TMEM132D: variants seen among roughly 807,000 people sequenced by gnomAD.
The protein encoded by TMEM132D is mature OL transmembrane protein.
A neutral mutation model predicts 62.3 loss-of-function variants in TMEM132D; 21 were observed. The observed-to-expected ratio is 0.34, with a 90% CI of 0.24 to 0.49. TMEM132D has a LOEUF of 0.49. Ranked by LOEUF, TMEM132D falls within the 20% of genes least tolerant of loss-of-function variation. The probability of loss-of-function intolerance (pLI) is 0.99; values close to 1 mark genes in which losing one functional copy is unlikely to be tolerated. For synonymous variants in TMEM132D, 621 were observed against 575.6 expected (o/e 1.08, Z -1.13); for missense variants, 1,346 against 1,402.8 (o/e 0.96, Z 0.65).
chr12:129,168,536 C>T (rs547153244), intron 5 of TMEM132D, among the ~76,000 whole-genome samples: 36 of 152,280 alleles, frequency 2.4e-4, no homozygotes, highest in Non-Finnish European at 4.1e-4. Flanking sequence ...ATGCCTTTCA[C>T]GTCCAGCTTC....
intron 3 of TMEM132D, among the ~76,000 whole-genome samples, chr12:129,452,936 G>T (rs575472926): frequency 5.3e-5 from 8 of 152,178 alleles, no homozygotes; most frequent in African/African-American, 1.4e-4. Context: ...AACCCCCGGG[G>T]CCATGGACCC....
intron 3 of TMEM132D, among the ~76,000 whole-genome samples, chr12:129,408,772 A>C (rs73424402): frequency 0.036 from 5,517 of 152,262 alleles, 342 homozygotes; most frequent in African/African-American, 0.13. Flanking sequence ...ACTCATGTGC[A>C]CAAATGTGTG....
At chr12:129,233,675 G>A (rs1879706819) in intron 4 of TMEM132D, among the ~76,000 whole-genome samples, 1 of 151,862 alleles carries the variant, frequency 6.6e-6, no homozygotes, top group Admixed American at 6.6e-5. Context: ...TGCCCAGGCT[G>A]GAGTGTCATG....
intron 2 of TMEM132D, among the ~76,000 whole-genome samples, chr12:129,569,761 G>T (rs1877460291): frequency 6.6e-6 from 1 of 152,154 alleles, no homozygotes; most frequent in Admixed American, 6.5e-5. Flanking sequence ...GCTCTACTGT[G>T]AGATGACTGG....
At chr12:129,696,698 T>G (rs570621900) in intron 2 of TMEM132D, among the ~76,000 whole-genome samples, 4 of 152,166 alleles carry the variant, frequency 2.6e-5, no homozygotes, top group Non-Finnish European at 5.9e-5. Flanking sequence ...GAGACTGGGA[T>G]GCGTCTGAGC....
chr12:129,075,903 G>A (rs1410301557), intron 8 of TMEM132D, among the ~76,000 whole-genome samples: 1 of 152,130 alleles, frequency 6.6e-6, no homozygotes, highest in African/African-American at 2.4e-5. Context: ...GACAGCAGTG[G>A]CAGATCCATT....
At chr12:129,410,575 C>T (rs1278179696) in intron 3 of TMEM132D, among the ~76,000 whole-genome samples, 2 of 151,948 alleles carry the variant, frequency 1.3e-5, no homozygotes, top group African/African-American at 2.4e-5. Flanking sequence ...GGCCAGGCTG[C>T]TCTCAATCTC....
chr12:129,783,215 T>G, intron 1 of TMEM132D, among the ~76,000 whole-genome samples: 2 of 152,282 alleles, frequency 1.3e-5, no homozygotes, highest in Middle Eastern at 3.4e-3. Context: ...GCTCTTCAAA[T>G]GTACAACCCT....
chr12:129,535,771 TG>T (rs1566102004), intron 2 of TMEM132D, among the ~76,000 whole-genome samples: 2,676 of 66,892 alleles, frequency 0.04, 85 homozygotes, highest in African/African-American at 0.13. Flanking sequence ...ATTTAAGATT[TG>T]TGTGCGTGTG....
intron 2 of TMEM132D, among the ~76,000 whole-genome samples, chr12:129,625,942 C>T (rs948544421): frequency 2.0e-5 from 3 of 152,178 alleles, no homozygotes; most frequent in Admixed American, 6.5e-5. Context: ...GTGTATGACT[C>T]TTCTTCAATT....
At position 129,517,513 on chromosome 12, in the gene TMEM132D, A is replaced by C. The variant is rs985722061; in HGVS notation, c.1115+13546T>G. ...GAGAAGCCAGGGCCATTCAGTGGGG[A>C]AGACATTAGCTGCCTGCTGTTCCTA... On this transcript the variant is annotated intron_variant, in intron 3 of 8. Transcript: ENST00000422113. Among the ~76,000 whole-genome samples the C allele has an allele frequency of 3.3e-5, 5 of 152,152 alleles. No individual in the cohort carries two copies. In the East Asian group the frequency reaches 9.6e-4, roughly 29 times the overall value.
intron 5 of TMEM132D, among the ~76,000 whole-genome samples, chr12:129,122,551 T>C (rs1002793295): frequency 6.6e-6 from 1 of 152,192 alleles, no homozygotes; most frequent in African/African-American, 2.4e-5. Flanking sequence ...AATAGATATC[T>C]ATTGAATGAT....
At chr12:129,566,065 T>C (rs187101177) in intron 2 of TMEM132D, among the ~76,000 whole-genome samples, 22 of 152,364 alleles carry the variant, frequency 1.4e-4, no homozygotes, top group Non-Finnish European at 2.4e-4. Context: ...ACTTAGGTGA[T>C]TGAGCTGTAA....
chr12:129,346,635 T>A (rs1869694857), intron 3 of TMEM132D, among the ~76,000 whole-genome samples: 1 of 152,216 alleles, frequency 6.6e-6, no homozygotes, highest in South Asian at 2.1e-4. Context: ...AGCATTCCTT[T>A]TGAAAACCGG....
At chr12:129,322,133 G>A (rs1168576483) in intron 4 of TMEM132D, among the ~76,000 whole-genome samples, 1 of 150,730 alleles carries the variant, frequency 6.6e-6, no homozygotes, top group African/African-American at 2.4e-5. Flanking sequence ...TGATGGTAGA[G>A]CATTGATACA....
intron 3 of TMEM132D, among the ~76,000 whole-genome samples, chr12:129,423,766 G>A (rs1040668583): frequency 1.3e-5 from 2 of 151,984 alleles, no homozygotes; most frequent in South Asian, 4.2e-4. Flanking sequence ...CCATTGACTC[G>A]GACTAGAAAT....
At chr12:129,107,558 A>G (rs556628002) in intron 5 of TMEM132D, among the ~76,000 whole-genome samples, 1 of 152,228 alleles carries the variant, frequency 6.6e-6, no homozygotes, top group Non-Finnish European at 1.5e-5. Flanking sequence ...AGTTATAACA[A>G]AGACAAAATA....
intron 3 of TMEM132D, among the ~76,000 whole-genome samples, chr12:129,500,436 C>T (rs1026530744): frequency 1.7e-5 from 2 of 118,092 alleles, no homozygotes; most frequent in Non-Finnish European, 3.4e-5. Context: ...GGAAACTGCT[C>T]AGTCTATGGA....
At chr12:129,530,775 G>A (rs1876194104) in intron 3 of TMEM132D, among the ~76,000 whole-genome samples, 1 of 152,206 alleles carries the variant, frequency 6.6e-6, no homozygotes, top group African/African-American at 2.4e-5. Flanking sequence ...AAGAGGTCAT[G>A]TTGAAGAGGA....
Sources: gnomAD v4.1 joint callset for allele counts (sites outside exome capture counted in the v4.1 genomes callset) on GRCh38, gnomAD v4.1.1 for gene constraint, MANE v1.5 for transcripts, NCBI Gene and HGNC (gene_info 2026-07-23, HGNC 2026-07-21) for gene names.